Variants in BAG4 observed in about 807,000 individuals in gnomAD.
BAG4 encodes BAG cochaperone 4.
Under a neutral mutation model 52.1 loss-of-function variants are expected in BAG4, and 28 were observed. That is an observed-to-expected ratio of 0.54 (90% CI 0.40 to 0.74). BAG4 has a LOEUF of 0.74. Ranked by LOEUF, BAG4 falls within the 30% of genes least tolerant of loss-of-function variation. The probability of loss-of-function intolerance (pLI) is 0.00; values close to 1 mark genes in which losing one functional copy is unlikely to be tolerated. For synonymous variants in BAG4, 208 were observed against 217.0 expected, an observed-to-expected ratio of 0.96 and a Z score of 0.37; for missense variants, 525 against 572.0, an observed-to-expected ratio of 0.92 and a Z score of 0.84.
At chr8:38,207,460 T>G in intron 2 of BAG4, 52 bp from the exon 3 acceptor site, 1 of 1,574,094 alleles carries the variant, frequency 6.4e-7, no homozygotes, top group East Asian at 2.2e-5. Flanking sequence ...GTCAGGGCAT[T>G]TCAGCTCTTC....
intron 2 of BAG4, among the ~76,000 whole-genome samples, chr8:38,195,115 A>G (rs1016715617): frequency 2.0e-5 from 3 of 150,592 alleles, no homozygotes; most frequent in African/African-American, 4.9e-5. Flanking sequence ...CGGCCTCCCA[A>G]AGTGCTGGGA....
At chr8:38,181,117 A>G (rs972624680) in intron 1 of BAG4, among the ~76,000 whole-genome samples, 2 of 131,646 alleles carry the variant, frequency 1.5e-5, no homozygotes, top group Non-Finnish European at 1.6e-5. Flanking sequence ...ATTTTTTTGT[A>G]TTTTTAGTAG....
chr8:38,177,110 G>A lies in BAG4; in HGVS notation c.241G>A (p.Glu81Lys). Residue 81 changes from glutamate to lysine, a missense_variant, in exon 1 of 5, where the codon GAG becomes AAG. Glu to Lys is a moderately conservative substitution (Grantham distance 56). Transcript: ENST00000287322. Reference sequence around the variant, plus strand: ...CTATCCCTCGGGAGGCGCCTGGCCAGAGCCTGGTCGAGCCGGAGGAAGCCA... The same window carrying A: ...CTATCCCTCGGGAGGCGCCTGGCCAAAGCCTGGTCGAGCCGGAGGAAGCCA... ...GYYPSGGAWP[E>K]PGRAGGSHQE... 14 of 1,612,788 alleles carry A rather than the reference G, an allele frequency of 8.7e-6. No individual in the cohort carries two copies. The highest frequency in any genetic ancestry group is 1.2e-5 in the Non-Finnish European group (14 of 1,179,890).
chr8:38,199,035 G>A (rs147098283), intron 2 of BAG4, among the ~76,000 whole-genome samples: 1 of 152,148 alleles, frequency 6.6e-6, no homozygotes, highest in Non-Finnish European at 1.5e-5. Context: ...TACATGCTAA[G>A]ATAATGATAA....
intron 1 of BAG4, among the ~76,000 whole-genome samples, chr8:38,187,466 AG>A (rs1394113944): frequency 6.6e-6 from 1 of 152,230 alleles, no homozygotes; most frequent in East Asian, 1.9e-4. Flanking sequence ...TGAACACACC[AG>A]CATATCAGAA....
At chr8:38,203,205 G>C (rs1455462342) in intron 2 of BAG4, among the ~76,000 whole-genome samples, 1 of 152,066 alleles carries the variant, frequency 6.6e-6, no homozygotes, top group Non-Finnish European at 1.5e-5. Context: ...TGTTGTAGGA[G>C]CTGATGTTAC....
intron 1 of BAG4, among the ~76,000 whole-genome samples, chr8:38,183,244 T>A (rs1803304373): frequency 1.3e-5 from 2 of 152,126 alleles, no homozygotes; most frequent in African/African-American, 4.8e-5. Context: ...AGATGGGGTT[T>A]CACCATGTTA....
At chr8:38,209,978 CTT>C in intron 4 of BAG4, 28 bp from the exon 5 acceptor site, 1 of 1,600,576 alleles carries the variant, frequency 6.2e-7, no homozygotes, top group Non-Finnish European at 8.5e-7. Flanking sequence ...TAAAACAGCT[CTT>C]TTCCTCTTTT....
rs759136435 is a variant in BAG4, at chr8:38,210,114, C to T, written c.995C>T (p.Ser332Leu). Reference sequence around the variant, plus strand: ...TCGGGGACAGTGAACAATGATGATTCAGATCTTTTGGATTCCCAAGTCCAG... The same window carrying T: ...TCGGGGACAGTGAACAATGATGATTTAGATCTTTTGGATTCCCAAGTCCAG... ...ESSGTVNNDDSDLLDSQVQYS... is the reference protein window; with the variant it reads ...ESSGTVNNDDLDLLDSQVQYS... Residue 332 changes from serine (S) to leucine (L), a missense_variant, in exon 5 of 5, where the codon TCA becomes TTA. Ser to Leu is a moderately radical substitution (Grantham distance 145, BLOSUM62 -2). Coordinates refer to ENST00000287322, the MANE Select transcript of BAG4 (RefSeq NM_004874.4). 2.1e-5 allele frequency: 34 copies of T among 1,614,162 alleles called. No individual in the cohort carries two copies. Among genetic ancestry groups the T allele is most frequent in the Non-Finnish European group, 2.7e-5 (32 of 1,180,046 alleles).
At chr8:38,186,913 T>C (rs757808527) in intron 1 of BAG4, among the ~76,000 whole-genome samples, 1 of 152,234 alleles carries the variant, frequency 6.6e-6, no homozygotes, top group Non-Finnish European at 1.5e-5. Flanking sequence ...GCAAACAGAC[T>C]TTGCAAAAAT....
Position 38,209,240 on chromosome 8 carries a change from C to G in BAG4, c.861C>G (p.Pro287=). Residue 287 remains proline, a synonymous_variant, in exon 4 of 5, where the codon CCC becomes CCG. Transcript: ENST00000287322. ...PWPSSGSPQS[P]PSPPVQQPKD... ...CTAGCAGTGGCTCTCCCCAGTCACC[C>G]CCTTCACCCCCAGTCCAGCAGCCCA... 6.2e-7 allele frequency: 1 copy of G among 1,614,140 alleles called. No individual in the cohort carries two copies. Among genetic ancestry groups the G allele is most frequent in the Non-Finnish European group, 8.5e-7 (1 of 1,180,018 alleles).
chr8:38,196,218 G>A (rs1803557502), intron 2 of BAG4, among the ~76,000 whole-genome samples: 1 of 152,062 alleles, frequency 6.6e-6, no homozygotes, highest in Non-Finnish European at 1.5e-5. Context: ...GAATTGCTTG[G>A]TCATAGAGTA....
At chr8:38,198,591 C>T (rs1192435285) in intron 2 of BAG4, among the ~76,000 whole-genome samples, 2 of 150,078 alleles carry the variant, frequency 1.3e-5, no homozygotes, top group Non-Finnish European at 3.0e-5. Context: ...CAGGTTCAAG[C>T]AATTCTCCTG....
chr8:38,199,731 G>C (rs1409349291), intron 2 of BAG4, among the ~76,000 whole-genome samples: 2 of 151,918 alleles, frequency 1.3e-5, no homozygotes, highest in Non-Finnish European at 2.9e-5. Context: ...CACCATGTTA[G>C]TCAGGATGGT....
At chr8:38,195,002 C>T (rs1229343791) in intron 2 of BAG4, among the ~76,000 whole-genome samples, 1 of 150,800 alleles carries the variant, frequency 6.6e-6, no homozygotes, top group African/African-American at 2.4e-5. Flanking sequence ...CTACAGGCGC[C>T]CGCCACCACG....
rs150352965 is a variant in BAG4 at position 38,210,308 on chromosome 8, G to T, written c.1189G>T (p.Val397Leu). Residue 397 changes from valine (V) to leucine (L), a missense_variant, in exon 5 of 5, where the codon GTA becomes TTA. By Grantham distance (32) the Val-to-Leu change is conservative. Coordinates refer to ENST00000287322, the MANE Select transcript of BAG4 (RefSeq NM_004874.4). ...GAAGGTCCAGTATCTTGAACAAGAA[G>T]TAGAAGAATTTGTAGGAAAAAAGAC... The part of the protein sequence containing the change: ...LEKVQYLEQE[V>L]EEFVGKKTDK... 1.2e-6 allele frequency: 2 copies of T among 1,614,118 alleles called. No individual in the cohort carries two copies. Among genetic ancestry groups the T allele is most frequent in the Non-Finnish European group, 1.7e-6 (2 of 1,180,028 alleles).
At chr8:38,207,876 T>G in intron 3 of BAG4, 110 bp downstream of exon 3, 1 of 1,342,456 alleles carries the variant, frequency 7.4e-7, no homozygotes, top group South Asian at 1.5e-5. Flanking sequence ...ACTTCTAGAT[T>G]GGGAAGGCTT....
chr8:38,186,827 C>A (rs1803372843), intron 1 of BAG4, among the ~76,000 whole-genome samples: 1 of 152,172 alleles, frequency 6.6e-6, no homozygotes, highest in African/African-American at 2.4e-5. Context: ...CTTTGTCATC[C>A]AGGATGACTG....
At chr8:38,205,410 C>CT (rs1194410559) in intron 2 of BAG4, among the ~76,000 whole-genome samples, 12 of 151,946 alleles carry the variant, frequency 7.9e-5, no homozygotes, top group Non-Finnish European at 1.8e-4. Flanking sequence ...CTTTAATCTA[C>CT]TTAAAGATTC....
Sources: gnomAD v4.1 joint callset for allele counts (sites outside exome capture counted in the v4.1 genomes callset) on GRCh38, gnomAD v4.1.1 for gene constraint, MANE v1.5 for transcripts, NCBI Gene and HGNC (gene_info 2026-07-23, HGNC 2026-07-21) for gene names.